CFAP58: variants seen among roughly 807,000 people sequenced by gnomAD.
The protein encoded by CFAP58 is cilia- and flagella-associated protein 58.
CFAP58 carries 88 observed loss-of-function variants against 119.5 expected under a neutral mutation model. The observed-to-expected ratio is 0.74, with a 90% confidence interval of 0.62 to 0.88. The LOEUF (loss-of-function observed/expected upper bound fraction) is 0.88. CFAP58 is among the 40% of genes least tolerant of loss of function. CFAP58 has a pLI of 0.00. For missense variants in CFAP58, 990 were observed against 1,021.2 expected (o/e 0.97, Z 0.42); for synonymous variants, 365 against 366.3 (o/e 1.00, Z 0.04).
At chr10:104,401,293 C>G (rs1299024858) in intron 13 of CFAP58, among the ~76,000 whole-genome samples, 2 of 152,154 alleles carry the variant, frequency 1.3e-5, no homozygotes, top group African/African-American at 2.4e-5. Context: ...GAAATTTAAT[C>G]TGGTAACATT....
At chr10:104,342,844 CAA>C in the CFAP58 span, among the ~76,000 whole-genome samples, 72 of 48,494 alleles carry the variant, frequency 1.5e-3, no homozygotes, top group African/African-American at 5.5e-3. Context: ...GACCCTGTAT[CAA>C]AAAAAAAAAA....
rs1452131245 is a variant in CFAP58, at chr10:104,364,766, G to A, written c.474G>A (p.Val158=). Residue 158 remains valine (V), a synonymous_variant, in exon 4 of 18, where the codon GTG becomes GTA. Transcript: ENST00000369704. ...IRDLLRFKEE[V]TKERDQLLSE... ...ATTTACTGAGGTTCAAAGAAGAAGT[G>A]ACAAAGGAGAGAGACCAGCTCTTAT... is the stretch of plus-strand genomic sequence containing the variant. 1 of 1,612,958 alleles carries A rather than the reference G, an allele frequency of 6.2e-7. No homozygotes were observed. The highest frequency in any genetic ancestry group is 8.5e-7 in the Non-Finnish European group (1 of 1,179,616).
At chr10:104,390,408 C>A (rs912874529) in intron 9 of CFAP58, among the ~76,000 whole-genome samples, 1 of 151,974 alleles carries the variant, frequency 6.6e-6, no homozygotes, top group Admixed American at 6.6e-5. Flanking sequence ...AAAAACAAAC[C>A]CCAAAAAGCC....
At chr10:104,365,008 A>T (rs1452410497) in intron 4 of CFAP58, 119 bp downstream of exon 4, 2 of 910,592 alleles carry the variant, frequency 2.2e-6, no homozygotes, top group Non-Finnish European at 3.3e-6. Context: ...CAAATGAAAC[A>T]TCCTCAGTTC....
intron 12 of CFAP58, 78 bp downstream of exon 12, chr10:104,399,578 CCT>C: frequency 6.9e-7 from 1 of 1,454,872 alleles, no homozygotes; most frequent in Non-Finnish European, 9.4e-7. Flanking sequence ...AAACTTCCTT[CCT>C]CTCTAAGCTC....
upstream of CFAP58, chr10:104,353,500 AGT>A (rs1306760142): frequency 5.0e-6 from 1 of 201,512 alleles, no homozygotes; most frequent in African/African-American, 2.3e-5. Flanking sequence ...TTGGCTCCCT[AGT>A]GTCACACACC....
intron 8 of CFAP58, among the ~76,000 whole-genome samples, chr10:104,379,686 G>T (rs2011743153): frequency 6.6e-6 from 1 of 152,200 alleles, no homozygotes; most frequent in African/African-American, 2.4e-5. Flanking sequence ...TCTGGGGTTA[G>T]CCAGCCATGG....
intron 15 of CFAP58, among the ~76,000 whole-genome samples, chr10:104,435,527 C>T (rs1370555083): frequency 1.3e-5 from 2 of 152,146 alleles, no homozygotes; most frequent in Non-Finnish European, 2.9e-5. Flanking sequence ...AGACTGCAAC[C>T]CTTGTCCTTT....
chr10:104,373,857 G>A (rs1589912969), intron 7 of CFAP58, among the ~76,000 whole-genome samples: 1 of 152,144 alleles, frequency 6.6e-6, no homozygotes. Context: ...GTATAGTGAT[G>A]ATGTCCAGAT....
Position 104,380,161 on chromosome 10 carries a change from T to C in CFAP58, c.1306T>C (p.Phe436Leu), listed in dbSNP as rs1158989478. ...DEAQKQRKII[F>L]HLEKERDRYI... Reference sequence around the variant, plus strand: ...GGCTCAGAAGCAGAGAAAGATCATCTTTCATCTGGAAAAGGAGCGTGACCG... The same window carrying C: ...GGCTCAGAAGCAGAGAAAGATCATCCTTCATCTGGAAAAGGAGCGTGACCG... Residue 436 changes from phenylalanine to leucine, a missense_variant, in exon 9 of 18, where the codon TTT becomes CTT. Physicochemically the swap from Phe to Leu is conservative, Grantham distance 22 (BLOSUM62 0). Coordinates refer to ENST00000369704, the MANE Select transcript of CFAP58 (RefSeq NM_001008723.2). 6.2e-7 allele frequency: 1 copy of C among 1,613,976 alleles called. No individual in the cohort carries two copies. Among genetic ancestry groups the C allele is most frequent in the Non-Finnish European group, 8.5e-7 (1 of 1,180,004 alleles).
At chr10:104,373,714 T>A (rs2014853227) in intron 7 of CFAP58, among the ~76,000 whole-genome samples, 1 of 151,740 alleles carries the variant, frequency 6.6e-6, no homozygotes, top group Non-Finnish European at 1.5e-5. Flanking sequence ...TCCAGAAGAA[T>A]AAACATATGA....
intron 15 of CFAP58, among the ~76,000 whole-genome samples, chr10:104,429,248 G>A (rs1230129110): frequency 6.6e-6 from 1 of 152,122 alleles, no homozygotes; most frequent in East Asian, 1.9e-4. Context: ...GGAAGAAGAA[G>A]GAGAGCAATG....
chr10:104,444,818 G>A (rs1341413759), intron 15 of CFAP58, among the ~76,000 whole-genome samples: 2 of 152,112 alleles, frequency 1.3e-5, no homozygotes, highest in Non-Finnish European at 2.9e-5. Flanking sequence ...AGTCCCTGAA[G>A]TTTCATTTGT....
intron 15 of CFAP58, among the ~76,000 whole-genome samples, chr10:104,435,992 G>T (rs1017449964): frequency 6.6e-6 from 1 of 152,020 alleles, no homozygotes; most frequent in Non-Finnish European, 1.5e-5. Flanking sequence ...AGTCATTTCC[G>T]ACTCCTCCCA....
chr10:104,421,751 G>T (rs1196987621), intron 15 of CFAP58, among the ~76,000 whole-genome samples: 1 of 152,232 alleles, frequency 6.6e-6, no homozygotes, highest in Non-Finnish European at 1.5e-5. Flanking sequence ...CTCAGGTTTT[G>T]ATTAGGAAGG....
chr10:104,442,530 G>T (rs918161845), intron 15 of CFAP58, among the ~76,000 whole-genome samples: 1 of 151,384 alleles, frequency 6.6e-6, no homozygotes, highest in African/African-American at 2.4e-5. Context: ...GGAGGTTGCA[G>T]TGAGCCGAGA....
chr10:104,346,328 C>A, the CFAP58 span, among the ~76,000 whole-genome samples: 5 of 151,912 alleles, frequency 3.3e-5, no homozygotes, highest in African/African-American at 1.2e-4. Context: ...GCATCCACAC[C>A]ATATCATTCA....
intron 1 of CFAP58, among the ~76,000 whole-genome samples, chr10:104,358,075 A>G (rs76658090): frequency 0.034 from 4,992 of 146,852 alleles, 362 homozygotes; most frequent in African/African-American, 0.11. Context: ...ACACATATGT[A>G]CATATATATA....
chr10:104,400,585 C>A, intron 12 of CFAP58, 95 bp from the exon 13 acceptor site: 1 of 1,011,068 alleles, frequency 9.9e-7, no homozygotes, highest in Non-Finnish European at 1.6e-6. Context: ...TACATGTGGG[C>A]GTTCAATAGA....
Sources: gnomAD v4.1 joint callset for allele counts (sites outside exome capture counted in the v4.1 genomes callset) on GRCh38, gnomAD v4.1.1 for gene constraint, MANE v1.5 for transcripts, NCBI Gene and HGNC (gene_info 2026-07-23, HGNC 2026-07-21) for gene names.